Variants in MALRD1 observed in about 807,000 individuals in gnomAD.
The protein encoded by MALRD1 is MAM and LDL receptor class A domain containing 1.
MALRD1 carries 247 observed loss-of-function variants against 242.1 expected under a neutral mutation model. The ratio of observed to expected loss-of-function variants is 1.02; its 90% CI spans 0.92 to 1.13. The LOEUF (loss-of-function observed/expected upper bound fraction) is 1.13, where lower values mean the gene tolerates loss of function less well. Ranked by LOEUF, MALRD1 falls within the 50% of genes most tolerant of loss-of-function variation. The pLI, the probability that MALRD1 is intolerant of heterozygous loss-of-function variation, is 0.00. For missense variants in MALRD1, 2,989 were observed against 2,533.1 expected (o/e 1.18, Z -3.86); for synonymous variants, 995 against 866.6 (o/e 1.15, Z -2.60).
intron 13 of MALRD1, among the ~76,000 whole-genome samples, chr10:19,168,913 T>G (rs1834807858): frequency 6.6e-6 from 1 of 152,052 alleles, no homozygotes; most frequent in African/African-American, 2.4e-5. Context: ...AATCTGCCTA[T>G]GAGTTGGCTA....
intron 18 of MALRD1, among the ~76,000 whole-genome samples, chr10:19,242,261 C>T (rs1479143165): frequency 3.9e-5 from 6 of 152,222 alleles, no homozygotes; most frequent in Middle Eastern, 3.4e-3. Flanking sequence ...TCTTGTTAGA[C>T]GTATTCACTA....
chr10:19,348,712 T>C (rs1282309478), intron 25 of MALRD1, among the ~76,000 whole-genome samples: 1 of 152,136 alleles, frequency 6.6e-6, no homozygotes. Context: ...TTTGCTTGTT[T>C]GTTTATATTC....
At chr10:19,471,237 T>C (rs1046151826) in intron 29 of MALRD1, among the ~76,000 whole-genome samples, 1 of 151,930 alleles carries the variant, frequency 6.6e-6, no homozygotes, top group African/African-American at 2.4e-5. Context: ...AATTAGTTAG[T>C]CCTACATGTA....
At chr10:19,072,423 G>A (rs1487598496) in intron 2 of MALRD1, among the ~76,000 whole-genome samples, 1 of 152,054 alleles carries the variant, frequency 6.6e-6, no homozygotes. Context: ...ATTGTTACAT[G>A]TTTAAAAATA....
At chr10:19,260,463 G>C (rs1839697381) in intron 19 of MALRD1, among the ~76,000 whole-genome samples, 1 of 152,108 alleles carries the variant, frequency 6.6e-6, no homozygotes, top group African/African-American at 2.4e-5. Flanking sequence ...TTTCAACTGG[G>C]ACATGGTATA....
chr10:19,288,283 G>A (rs1841235923), intron 21 of MALRD1, among the ~76,000 whole-genome samples: 1 of 151,880 alleles, frequency 6.6e-6, no homozygotes, highest in Admixed American at 6.6e-5. Context: ...CATCCCCTAA[G>A]CATTTATCCT....
intron 33 of MALRD1, among the ~76,000 whole-genome samples, chr10:19,591,497 G>GTTT (rs35785107): frequency 2.6e-5 from 3 of 116,292 alleles, no homozygotes; most frequent in Non-Finnish European, 5.4e-5. Flanking sequence ...TTTTATTTTA[G>GTTT]TTTTTTTTTT....
intron 28 of MALRD1, among the ~76,000 whole-genome samples, chr10:19,438,494 G>A (rs1437238830): frequency 6.6e-6 from 1 of 152,108 alleles, no homozygotes; most frequent in Non-Finnish European, 1.5e-5. Flanking sequence ...ATCTCTTCAA[G>A]TCTCTGCCTT....
At chr10:19,141,980 T>G (rs1396202464) in intron 10 of MALRD1, among the ~76,000 whole-genome samples, 2 of 151,864 alleles carry the variant, frequency 1.3e-5, no homozygotes, top group East Asian at 1.9e-4. Context: ...AGACCATCCT[T>G]GCTAACACAG....
intron 2 of MALRD1, among the ~76,000 whole-genome samples, chr10:19,084,314 T>A (rs1835594466): frequency 6.6e-6 from 1 of 151,990 alleles, no homozygotes; most frequent in African/African-American, 2.4e-5. Context: ...CTAAACTATG[T>A]GTTTGTCAGA....
rs1216291354 is a variant in MALRD1 at position 19,604,143 on chromosome 10, T to A, written c.5945-3634T>A. ...CCTCTTGCTCCAAACAGCCAAGTTGTGAATGTGAAGGAAAAATTCTTGAAG... is the reference window on the plus strand; with the variant it reads ...CCTCTTGCTCCAAACAGCCAAGTTGAGAATGTGAAGGAAAAATTCTTGAAG... On this transcript the variant is annotated intron_variant, in intron 34 of 39. Coordinates refer to ENST00000454679, the MANE Select transcript of MALRD1 (RefSeq NM_001142308.3). Among the ~76,000 whole-genome samples, 6 of 152,282 alleles carry A rather than the reference T, an allele frequency of 3.9e-5. No individual in the cohort carries two copies. The East Asian group carries it at 1.2e-3, about 29-fold the overall frequency.
chr10:19,228,671 C>T (rs1837904574), intron 18 of MALRD1, among the ~76,000 whole-genome samples: 1 of 152,034 alleles, frequency 6.6e-6, no homozygotes, highest in African/African-American at 2.4e-5. Context: ...AAAATTAGAA[C>T]CTTCTTCCAA....
At chr10:19,564,543 A>G (rs2131452049) in intron 32 of MALRD1, among the ~76,000 whole-genome samples, 1 of 152,158 alleles carries the variant, frequency 6.6e-6, no homozygotes, top group Admixed American at 6.5e-5. Flanking sequence ...ACATTATAAA[A>G]TGTTGACAGT....
At chr10:19,683,738 A>C (rs1402993781) in intron 36 of MALRD1, among the ~76,000 whole-genome samples, 1 of 152,186 alleles carries the variant, frequency 6.6e-6, no homozygotes, top group East Asian at 1.9e-4. Flanking sequence ...TTAGCATTAC[A>C]AATGATTTTT....
At chr10:19,437,376 A>G (rs1182863795) in intron 28 of MALRD1, among the ~76,000 whole-genome samples, 1 of 152,036 alleles carries the variant, frequency 6.6e-6, no homozygotes, top group Non-Finnish European at 1.5e-5. Context: ...CTTTCTTTGT[A>G]AGTAAATAAC....
chr10:19,455,494 A>G (rs1411747626), intron 29 of MALRD1, among the ~76,000 whole-genome samples: 1 of 152,206 alleles, frequency 6.6e-6, no homozygotes, highest in East Asian at 1.9e-4. Flanking sequence ...TAGGCAAATG[A>G]CATGATCTTC....
chr10:19,396,424 T>G (rs890734875), intron 28 of MALRD1, among the ~76,000 whole-genome samples: 2 of 152,148 alleles, frequency 1.3e-5, no homozygotes, highest in African/African-American at 4.8e-5. Flanking sequence ...CATGAGCCAC[T>G]GTGCTGGCCT....
intron 28 of MALRD1, among the ~76,000 whole-genome samples, chr10:19,404,329 T>C (rs1044921351): frequency 6.6e-6 from 1 of 152,060 alleles, no homozygotes; most frequent in Non-Finnish European, 1.5e-5. Flanking sequence ...TTTAAGCAGA[T>C]ATCTCCGTAC....
At chr10:19,270,015 A>C (rs1027862616) in intron 19 of MALRD1, among the ~76,000 whole-genome samples, 1 of 152,300 alleles carries the variant, frequency 6.6e-6, no homozygotes, top group South Asian at 2.1e-4. Flanking sequence ...CTAAAGATGC[A>C]GTTCAGACTG....
Sources: allele counts gnomAD v4.1 joint callset (sites outside exome capture counted in the v4.1 genomes callset), GRCh38; gene constraint gnomAD v4.1.1; transcripts MANE v1.5; gene names NCBI Gene and HGNC (gene_info 2026-07-23, HGNC 2026-07-21).